PDE10A: variants seen among roughly 807,000 people sequenced by gnomAD.
PDE10A encodes phosphodiesterase 10A.
Under a neutral mutation model 97.7 loss-of-function variants are expected in PDE10A, and 39 were observed. That is an observed-to-expected ratio of 0.40 (90% confidence interval 0.31 to 0.52). The LOEUF (loss-of-function observed/expected upper bound fraction) is 0.52, where lower values mean the gene tolerates loss of function less well. Among genes scored for constraint, PDE10A ranks in the 20% least tolerant of loss-of-function variants. The probability of loss-of-function intolerance (pLI) is 0.56; values close to 1 mark genes in which losing one functional copy is unlikely to be tolerated. For missense variants in PDE10A, 731 were observed against 1,047.8 expected, an observed-to-expected ratio of 0.70 and a Z score of 4.17; for synonymous variants, 371 against 376.8, an observed-to-expected ratio of 0.98 and a Z score of 0.18.
chr6:165,959,567 T>C (rs757097205), intron 1 of PDE10A, among the ~76,000 whole-genome samples: 6 of 152,208 alleles, frequency 3.9e-5, no homozygotes, highest in Non-Finnish European at 7.3e-5. Flanking sequence ...TTTGGAATAT[T>C]TGTGGAAGTC....
intron 1 of PDE10A, among the ~76,000 whole-genome samples, chr6:165,548,473 G>A (rs892332920): frequency 1.3e-5 from 2 of 151,720 alleles, no homozygotes; most frequent in Non-Finnish European, 2.9e-5. Context: ...TAGTCCTATG[G>A]TTTACTTCAA....
intron 1 of PDE10A, among the ~76,000 whole-genome samples, chr6:165,961,402 C>T (rs920199814): frequency 6.6e-6 from 1 of 152,174 alleles, no homozygotes. Flanking sequence ...GGATGAAATG[C>T]GATCATGTGG....
intron 1 of PDE10A, among the ~76,000 whole-genome samples, chr6:165,952,522 A>G (rs1783996413): frequency 6.6e-6 from 1 of 152,248 alleles, no homozygotes; most frequent in Non-Finnish European, 1.5e-5. Flanking sequence ...AGACTCTATT[A>G]GTGTTGATTC....
chr6:165,933,855 C>T (rs941019969), intron 1 of PDE10A, among the ~76,000 whole-genome samples: 1 of 152,162 alleles, frequency 6.6e-6, no homozygotes, highest in Non-Finnish European at 1.5e-5. Context: ...CAGGTCAGAA[C>T]CAAAACGGCT....
chr6:165,352,763 T>C (rs932444201), intron 18 of PDE10A, among the ~76,000 whole-genome samples: 4 of 151,916 alleles, frequency 2.6e-5, no homozygotes, highest in Non-Finnish European at 4.4e-5. Context: ...ATATATAACA[T>C]AGAAGAAAAA....
chr6:165,625,772 G>C (rs12214720), intron 1 of PDE10A, among the ~76,000 whole-genome samples: 1 of 152,010 alleles, frequency 6.6e-6, no homozygotes, highest in Non-Finnish European at 1.5e-5. Flanking sequence ...TGAGGCCTCC[G>C]CAGCCACATG....
chr6:165,883,241 A>C (rs187897953), intron 1 of PDE10A, among the ~76,000 whole-genome samples: 4 of 152,124 alleles, frequency 2.6e-5, no homozygotes, highest in African/African-American at 7.2e-5. Context: ...GTCAAAGAAA[A>C]TAAAAGAAGA....
At chr6:165,521,068 CTG>C (rs1782100404) in intron 2 of PDE10A, among the ~76,000 whole-genome samples, 1 of 152,136 alleles carries the variant, frequency 6.6e-6, no homozygotes. Context: ...CACTTGGTGT[CTG>C]TGTGTCAAAT....
chr6:165,899,321 TG>T (rs1296999307), intron 1 of PDE10A, among the ~76,000 whole-genome samples: 1 of 152,212 alleles, frequency 6.6e-6, no homozygotes, highest in Non-Finnish European at 1.5e-5. Context: ...GTTGAGATCA[TG>T]GTACTCTTTC....
chr6:165,601,164 T>A (rs956104778), intron 1 of PDE10A, among the ~76,000 whole-genome samples: 1 of 152,202 alleles, frequency 6.6e-6, no homozygotes, highest in Non-Finnish European at 1.5e-5. Context: ...CCACTTTTGC[T>A]TCTTCCTCAT....
chr6:165,898,356 G>A (rs1782013669), intron 1 of PDE10A, among the ~76,000 whole-genome samples: 2 of 152,128 alleles, frequency 1.3e-5, no homozygotes, highest in Non-Finnish European at 2.9e-5. Flanking sequence ...AGCCTGGTGA[G>A]CGAGCACAGC....
intron 2 of PDE10A, among the ~76,000 whole-genome samples, chr6:165,485,780 G>C (rs1383242117): frequency 6.6e-6 from 1 of 152,002 alleles, no homozygotes. Context: ...TTTTAGTAGA[G>C]ACAGGGTTTC....
At chr6:165,731,235 C>G (rs112969659) in intron 1 of PDE10A, among the ~76,000 whole-genome samples, 72 of 152,210 alleles carry the variant, frequency 4.7e-4, no homozygotes, top group African/African-American at 1.7e-3. Flanking sequence ...AAATGAGAGA[C>G]AAGGAATCAG....
intron 14 of PDE10A, 91 bp from the exon 15 acceptor site, chr6:165,395,355 G>T: frequency 1.2e-6 from 1 of 839,596 alleles, no homozygotes; most frequent in African/African-American, 1.7e-5. Flanking sequence ...GTACCAAGGA[G>T]CTAAAAAGAC....
chr6:165,386,358 C>A (rs555789365), intron 17 of PDE10A, among the ~76,000 whole-genome samples: 1 of 152,130 alleles, frequency 6.6e-6, no homozygotes, highest in Non-Finnish European at 1.5e-5. Context: ...AAAACTAATC[C>A]TATTATATTT....
intron 1 of PDE10A, among the ~76,000 whole-genome samples, chr6:165,705,010 TG>T (rs1280645565): frequency 6.6e-6 from 1 of 152,234 alleles, no homozygotes; most frequent in Non-Finnish European, 1.5e-5. Context: ...CAGACCCTGC[TG>T]TCCCTGTTTG....
At chr6:165,825,740 T>C (rs1779722194) in intron 1 of PDE10A, among the ~76,000 whole-genome samples, 1 of 152,166 alleles carries the variant, frequency 6.6e-6, no homozygotes, top group Non-Finnish European at 1.5e-5. Flanking sequence ...GGGGGTTATC[T>C]GTCCTTCAGC....
intron 1 of PDE10A, among the ~76,000 whole-genome samples, chr6:165,625,859 A>G (rs1788361289): frequency 6.6e-6 from 1 of 152,316 alleles, no homozygotes; most frequent in South Asian, 2.1e-4. Context: ...CAGCATGGAA[A>G]CGGACTCACA....
At chr6:165,765,097 G>A (rs1186948713) in intron 1 of PDE10A, among the ~76,000 whole-genome samples, 12 of 152,212 alleles carry the variant, frequency 7.9e-5, no homozygotes, top group Non-Finnish European at 1.6e-4. Context: ...TAGACACAGG[G>A]TGCTGATTGG....
Sources: allele counts gnomAD v4.1 joint callset (sites outside exome capture counted in the v4.1 genomes callset), GRCh38; gene constraint gnomAD v4.1.1; transcripts MANE v1.5; gene names NCBI Gene and HGNC (gene_info 2026-07-23, HGNC 2026-07-21).